The following NELL1 variants were observed in gnomAD, a reference collection of about 807,000 sequenced individuals.
NELL1 encodes neural EGFL like 1, also known as protein kinase C-binding protein NELL1.
A neutral mutation model predicts 107.4 loss-of-function variants in NELL1; 76 were observed. The ratio of observed to expected loss-of-function variants is 0.71; its 90% CI spans 0.59 to 0.86. The LOEUF (loss-of-function observed/expected upper bound fraction) is 0.86. NELL1 is among the 40% of genes least tolerant of loss of function. The probability of loss-of-function intolerance (pLI) is 0.00; values close to 1 mark genes in which losing one functional copy is unlikely to be tolerated. For missense variants in NELL1, 1,024 were observed against 1,005.5 expected (o/e 1.02, Z -0.25); for synonymous variants, 353 against 341.2 (o/e 1.03, Z -0.38).
intron 11 of NELL1, among the ~76,000 whole-genome samples, chr11:20,957,523 A>G (rs971493561): frequency 2.5e-4 from 38 of 152,246 alleles, no homozygotes; most frequent in African/African-American, 8.7e-4. Context: ...TCAAAACACA[A>G]GAGAATAAGC....
At chr11:21,473,178 A>AAGAT (rs971297202) in intron 15 of NELL1, among the ~76,000 whole-genome samples, 1 of 152,002 alleles carries the variant, frequency 6.6e-6, no homozygotes, top group Non-Finnish European at 1.5e-5. Context: ...CACCTTTAAA[A>AAGAT]AGATAGGAGT....
intron 12 of NELL1, among the ~76,000 whole-genome samples, chr11:21,056,912 T>A (rs1450784056): frequency 2.0e-5 from 3 of 152,100 alleles, no homozygotes; most frequent in Non-Finnish European, 2.9e-5. Context: ...AAAACCATGT[T>A]TGGCTTCTAG....
intron 2 of NELL1, among the ~76,000 whole-genome samples, chr11:20,765,203 A>G (rs1005987914): frequency 6.6e-6 from 1 of 152,172 alleles, no homozygotes; most frequent in Non-Finnish European, 1.5e-5. Context: ...GAGAAATTCT[A>G]ATGCTACTGT....
At chr11:21,346,940 CA>C (rs1379874490) in intron 14 of NELL1, among the ~76,000 whole-genome samples, 5 of 152,028 alleles carry the variant, frequency 3.3e-5, no homozygotes, top group African/African-American at 1.2e-4. Context: ...TAATAATAAC[CA>C]AATGTTAAGC....
At chr11:20,920,688 A>G (rs1412742715) in intron 7 of NELL1, among the ~76,000 whole-genome samples, 2 of 152,116 alleles carry the variant, frequency 1.3e-5, no homozygotes, top group South Asian at 2.1e-4. Flanking sequence ...ACTCTGTCTC[A>G]GGTGATTGTG....
At chr11:21,230,302 T>A (rs1041040352) in intron 14 of NELL1, among the ~76,000 whole-genome samples, 5 of 152,332 alleles carry the variant, frequency 3.3e-5, no homozygotes, top group African/African-American at 1.2e-4. Flanking sequence ...ACACTTGGTC[T>A]TGTCCCCCCA....
chr11:21,397,700 T>G (rs1183865823), intron 15 of NELL1, among the ~76,000 whole-genome samples: 1 of 151,698 alleles, frequency 6.6e-6, no homozygotes, highest in African/African-American at 2.4e-5. Context: ...TGTTTATGTT[T>G]CCCTAAAATG....
chr11:21,527,561 GA>G (rs1369183113), intron 15 of NELL1, among the ~76,000 whole-genome samples: 1 of 152,154 alleles, frequency 6.6e-6, no homozygotes, highest in Admixed American at 6.6e-5. Flanking sequence ...ATGAATATAT[GA>G]ATGGGAGTTT....
chr11:21,315,506 C>G (rs1180981095), intron 14 of NELL1, among the ~76,000 whole-genome samples: 3 of 152,176 alleles, frequency 2.0e-5, no homozygotes, highest in African/African-American at 7.2e-5. Context: ...GGCTTTGTCT[C>G]TCAGTCACTC....
chr11:21,521,364 G>T (rs79431982), intron 15 of NELL1, among the ~76,000 whole-genome samples: 5,103 of 152,244 alleles, frequency 0.034, 289 homozygotes, highest in African/African-American at 0.12. Context: ...CACTCTGTAA[G>T]ATTTCAAGCT....
intron 3 of NELL1, among the ~76,000 whole-genome samples, chr11:20,841,097 A>G (rs1230580438): frequency 1.3e-5 from 2 of 152,148 alleles, no homozygotes; most frequent in African/African-American, 2.4e-5. Context: ...ATTATCAGTA[A>G]AAGTTTATTT....
intron 2 of NELL1, among the ~76,000 whole-genome samples, chr11:20,708,347 C>T (rs549326017): frequency 6.6e-6 from 1 of 152,340 alleles, no homozygotes; most frequent in South Asian, 2.1e-4. Flanking sequence ...GTTGCACCCA[C>T]TGTCTGACAA....
intron 14 of NELL1, among the ~76,000 whole-genome samples, chr11:21,311,195 C>G (rs546911761): frequency 6.6e-6 from 1 of 152,188 alleles, no homozygotes; most frequent in Admixed American, 6.5e-5. Context: ...AAGCAATATA[C>G]TAAATATCTC....
intron 15 of NELL1, among the ~76,000 whole-genome samples, chr11:21,451,871 G>C (rs1448379268): frequency 6.6e-6 from 1 of 152,156 alleles, no homozygotes; most frequent in Non-Finnish European, 1.5e-5. Flanking sequence ...GCTTAAACAG[G>C]AGGGAGGGAG....
chr11:21,267,469 A>C (rs1349614819), intron 14 of NELL1, among the ~76,000 whole-genome samples: 1 of 152,118 alleles, frequency 6.6e-6, no homozygotes, highest in East Asian at 1.9e-4. Flanking sequence ...ATAATTAAAT[A>C]TGTGATTTTA....
intron 15 of NELL1, among the ~76,000 whole-genome samples, chr11:21,385,657 C>T (rs542445620): frequency 2.1e-4 from 32 of 152,012 alleles, no homozygotes; most frequent in Non-Finnish European, 4.1e-4. Flanking sequence ...GCATTGCAGC[C>T]GGTATAATCC....
intron 12 of NELL1, among the ~76,000 whole-genome samples, chr11:20,971,213 T>C (rs1851494595): frequency 6.6e-6 from 1 of 152,136 alleles, no homozygotes; most frequent in African/African-American, 2.4e-5. Context: ...ACCTTCACCT[T>C]AAAAAATCAT....
intron 3 of NELL1, among the ~76,000 whole-genome samples, chr11:20,799,659 G>GTGTATGTATGTATGTA (rs55778551): frequency 2.0e-5 from 3 of 150,938 alleles, no homozygotes; most frequent in African/African-American, 7.3e-5. Context: ...GTATGTATGT[G>GTGTATGTATGTATGTA]TGTATGTATG....
At chr11:21,140,417 G>A in intron 13 of NELL1, among the ~76,000 whole-genome samples, 1 of 152,174 alleles carries the variant, frequency 6.6e-6, no homozygotes. Context: ...GATCACATAT[G>A]TAATTGTATT....
Sources: gnomAD v4.1 joint callset for allele counts (sites outside exome capture counted in the v4.1 genomes callset) on GRCh38, gnomAD v4.1.1 for gene constraint, MANE v1.5 for transcripts, NCBI Gene and HGNC (gene_info 2026-07-23, HGNC 2026-07-21) for gene names.